Variants in CFAP74 observed in about 807,000 individuals in gnomAD.
The protein encoded by CFAP74 is cilia- and flagella-associated protein 74.
In CFAP74, 124 loss-of-function variants were observed where a neutral mutation model predicts 188.9. The ratio of observed to expected loss-of-function variants is 0.66; its 90% CI spans 0.57 to 0.76. CFAP74 has a LOEUF of 0.76. CFAP74 is among the 30% of genes least tolerant of loss of function. The pLI, the probability that CFAP74 is intolerant of heterozygous loss-of-function variation, is 0.00. For missense variants in CFAP74, 2,198 were observed against 2,165.2 expected, an observed-to-expected ratio of 1.02 and a Z score of -0.30; for synonymous variants, 956 against 916.7, an observed-to-expected ratio of 1.04 and a Z score of -0.77.
chr1:1,973,940 G>A lies in CFAP74; in HGVS notation c.674+85C>T. The A allele has an allele frequency of 3.0e-6, 4 of 1,317,542 alleles. No homozygotes were observed. The South Asian group carries it at 6.5e-5, about 21-fold the overall frequency. 81.6% of individuals were successfully genotyped at this position (1,317,542 alleles called of 1,614,324 possible). The stretch of plus-strand genomic sequence containing the variant: ...CTGGACAGATGTGGAGGGCGAGGCT[G>A]AATCTGGAGACCCCTGGGGGAGAGG... On this transcript the variant is annotated intron_variant, in intron 7 of 38. Coordinates refer to ENST00000682832, the MANE Select transcript of CFAP74 (RefSeq NM_001304360.2). This position sits in a 1 kb window ranked among gnomAD's most constrained non-coding sequence, Gnocchi z 6.2.
intron 6 of CFAP74, among the ~76,000 whole-genome samples, chr1:1,980,590 T>C (rs1656775307): frequency 6.6e-6 from 1 of 152,214 alleles, no homozygotes; most frequent in African/African-American, 2.4e-5. Flanking sequence ...AGGGCCTTCT[T>C]TGGGGGTTCC....
rs747357991 is a variant in CFAP74 at position 1,955,703 on chromosome 1, C to G, written c.2164G>C (p.Glu722Gln). ...CAGCCTGGCTCACCTGCGGGCTGCT[C>G]CTCCTCCTGCTCCTTGTCCAGCTTC... ...LEKLDKEQEE[E>Q]QPAEPERLTT... Residue 722 changes from glutamate to glutamine, a missense_variant, in exon 18 of 39, where the codon GAG becomes CAG. Transcript: ENST00000682832. 3.0e-5 allele frequency: 49 copies of G among 1,613,200 alleles called. 1 individual carries two copies. The South Asian group carries it at 5.3e-4, about 17-fold the overall frequency.
At chr1:1,932,625 G>A (rs1463965051) in intron 25 of CFAP74, among the ~76,000 whole-genome samples, 12 of 148,406 alleles carry the variant, frequency 8.1e-5, no homozygotes, top group Admixed American at 2.7e-4. Flanking sequence ...ACAGAATCTC[G>A]CTCTGTTGCC....
chr1:1,942,154 G>A lies in CFAP74; in HGVS notation c.2489C>T (p.Ser830Leu), dbSNP rs763705877. The A allele has an allele frequency of 2.0e-5, 30 of 1,512,038 alleles. No individual in the cohort carries two copies. The highest frequency in any genetic ancestry group is 2.2e-5 in the Non-Finnish European group (25 of 1,135,840). The allele number at this position is 1,512,038 out of a possible 1,614,324, so 93.7% of individuals were successfully genotyped here. Reference protein sequence around the residue: ...YQDSVLVHTRSKAALRLKFEV... With the variant: ...YQDSVLVHTRLKAALRLKFEV... ...GAACTTCAGGCGCAGGGCAGCTTTCGACCTGTGGGCGTGTCGCAGGGCACT... is the reference window on the plus strand; with the variant it reads ...GAACTTCAGGCGCAGGGCAGCTTTCAACCTGTGGGCGTGTCGCAGGGCACT... Residue 830 changes from serine (S) to leucine (L), a missense_variant and splice_region_variant, in exon 22 of 39, where the codon TCG becomes TTG. Physicochemically the swap from Ser to Leu is moderately radical, Grantham distance 145. Coordinates refer to ENST00000682832, the MANE Select transcript of CFAP74 (RefSeq NM_001304360.2). This position sits in a 1 kb window ranked among gnomAD's most constrained non-coding sequence, Gnocchi z 4.3.
chr1:1,928,734 G>A, intron 27 of CFAP74, 50 bp downstream of exon 27: 4 of 1,405,902 alleles, frequency 2.8e-6, no homozygotes, highest in Non-Finnish European at 3.9e-6. Context: ...GTTTGTTCCT[G>A]CAACAGGCCC....
intron 13 of CFAP74, among the ~76,000 whole-genome samples, chr1:1,964,270 G>A (rs1219071056): frequency 6.6e-6 from 1 of 152,236 alleles, no homozygotes; most frequent in African/African-American, 2.4e-5. Flanking sequence ...ACCAACCTCA[G>A]CCTCACATGT....
In CFAP74 at chr1:1,974,209, G is replaced by A; in HGVS notation, c.501-11C>T. 6.3e-7 allele frequency: 1 copy of A among 1,580,798 alleles called. No individual in the cohort carries two copies. The highest frequency in any genetic ancestry group is 8.6e-7 in the Non-Finnish European group (1 of 1,158,824). ...TGCCACATGGTGTTCCTTCAAACAAGAGGCAAAGCAGCTGGAGACGGGCCC... is the reference window on the plus strand; with the variant it reads ...TGCCACATGGTGTTCCTTCAAACAAAAGGCAAAGCAGCTGGAGACGGGCCC... On this transcript the variant is annotated splice_polypyrimidine_tract_variant and intron_variant, in intron 6 of 38. Transcript: ENST00000682832.
chr1:1,980,475 G>A (rs568257306), intron 6 of CFAP74, among the ~76,000 whole-genome samples: 7 of 146,038 alleles, frequency 4.8e-5, no homozygotes, highest in African/African-American at 1.8e-4. Flanking sequence ...CTAAGCCACC[G>A]GCACAGATCG....
At chr1:1,971,320 C>G (rs1310723175) in intron 9 of CFAP74, among the ~76,000 whole-genome samples, 6 of 151,170 alleles carry the variant, frequency 4.0e-5, no homozygotes, top group African/African-American at 7.3e-5. Flanking sequence ...CACCTGCAGA[C>G]ACTTGCACAC....
At chr1:1,945,135 C>T (rs749770982) in intron 20 of CFAP74, among the ~76,000 whole-genome samples, 1 of 151,690 alleles carries the variant, frequency 6.6e-6, no homozygotes, top group Admixed American at 6.6e-5. Context: ...GTGAGACCCC[C>T]GTCTCTACAA....
chr1:1,991,657 G>A (rs1657570771), intron 1 of CFAP74, among the ~76,000 whole-genome samples: 2 of 152,094 alleles, frequency 1.3e-5, no homozygotes, highest in South Asian at 4.2e-4. Context: ...TATACAAATG[G>A]CCAATATGCA....
intron 6 of CFAP74, among the ~76,000 whole-genome samples, chr1:1,974,895 C>A (rs527504548): frequency 6.6e-6 from 1 of 152,210 alleles, no homozygotes; most frequent in Non-Finnish European, 1.5e-5. Flanking sequence ...CTTCTAACAG[C>A]GGCCAGGTGA....
intron 25 of CFAP74, among the ~76,000 whole-genome samples, chr1:1,932,739 C>T (rs1652516594): frequency 6.6e-6 from 1 of 151,322 alleles, no homozygotes; most frequent in Non-Finnish European, 1.5e-5. Context: ...ACTACAGGCA[C>T]CCACCACCAC....
rs1656380019 is a variant in CFAP74, at chr1:1,975,496, C to G, written c.501-1298G>C. ...GCCTCCTGAGATCGGGTTCTACTTT[C>G]CCTCTCTCGTACGCCCACTTGGTTT... On this transcript the variant is annotated intron_variant, in intron 6 of 38. Coordinates refer to ENST00000682832, the MANE Select transcript of CFAP74 (RefSeq NM_001304360.2). The surrounding 1 kb of genome is among the most constrained non-coding windows in gnomAD (Gnocchi z 4.5). Among the ~76,000 whole-genome samples the G allele has an allele frequency of 6.6e-6, 1 of 152,112 alleles. No homozygotes were observed. Among genetic ancestry groups the G allele is most frequent in the Non-Finnish European group, 1.5e-5 (1 of 68,024 alleles).
At chr1:1,956,878 C>T (rs1268520070) in intron 16 of CFAP74, 94 bp from the exon 17 acceptor site, 4 of 1,353,350 alleles carry the variant, frequency 3.0e-6, no homozygotes, top group East Asian at 2.5e-5. Flanking sequence ...CAGGGCTGCC[C>T]TGAGCATTTG....
At position 1,925,924 on chromosome 1, in the gene CFAP74, C is replaced by A; in HGVS notation, c.3963G>T (p.Leu1321=). Residue 1321 remains leucine (L), a synonymous_variant, in exon 33 of 39, where the codon CTG becomes CTT. Coordinates refer to ENST00000682832, the MANE Select transcript of CFAP74 (RefSeq NM_001304360.2). ...PHESILAQET[L]DIITKRGTLT... is the part of the protein sequence containing the mutation. ...GCGTGCCTCTCTTGGTGATGATGTC[C>A]AGTGTTTCTTGAGCCTAAAGAGACC... is the stretch of plus-strand genomic sequence containing the variant. The A allele has an allele frequency of 6.2e-7, 1 of 1,609,610 alleles. No homozygotes were observed. The highest frequency in any genetic ancestry group is 8.5e-7 in the Non-Finnish European group (1 of 1,178,472).
Position 1,956,629 on chromosome 1 carries a change from G to A in CFAP74, c.2007C>T (p.Ala669=). The A allele has an allele frequency of 6.2e-7, 1 of 1,614,138 alleles. No homozygotes were observed. The highest frequency in any genetic ancestry group is 8.5e-7 in the Non-Finnish European group (1 of 1,180,022). The change falls in exon 17 of 39, where the codon GCC becomes GCT. Residue 669 remains alanine, a synonymous_variant. Transcript: ENST00000682832. ...EPCEMDDSQS[A]LKLSSLLTYE... is the part of the protein sequence containing the mutation. ...TGAGTGGCACACTCACTAATTTCAG[G>A]GCAGACTGGGAGTCGTCCATCTCAC...
Position 1,946,297 on chromosome 1 carries a change from G to A in CFAP74, c.2364+20C>T, listed in dbSNP as rs575502094. On this transcript the variant is annotated intron_variant, in intron 20 of 38. Coordinates refer to ENST00000682832, the MANE Select transcript of CFAP74 (RefSeq NM_001304360.2). ...GCAGGGGCCAGGGTGTGTGCGTGGCGTGGCAGCAGGAATACTCACCGTGGG... is the reference window on the plus strand; with the variant it reads ...GCAGGGGCCAGGGTGTGTGCGTGGCATGGCAGCAGGAATACTCACCGTGGG... 3.8e-4 allele frequency: 582 copies of A among 1,527,862 alleles called. No individual in the cohort carries two copies. The highest frequency in any genetic ancestry group is 4.9e-4 in the Non-Finnish European group (559 of 1,141,312). The allele number at this position is 1,527,862 out of a possible 1,614,324, so 94.6% of individuals were successfully genotyped here.
chr1:1,959,897 A>G, intron 15 of CFAP74, 67 bp downstream of exon 15: 33 of 1,386,524 alleles, frequency 2.4e-5, no homozygotes, highest in Non-Finnish European at 3.0e-5. Context: ...CTGCGCCACC[A>G]TGCCCGATCA....
Sources: gnomAD v4.1 joint callset for allele counts (sites outside exome capture counted in the v4.1 genomes callset) on GRCh38, gnomAD v4.1.1 for gene constraint, Gnocchi (gnomAD v3.1) non-coding constraint, MANE v1.5 for transcripts, NCBI Gene and HGNC (gene_info 2026-07-23, HGNC 2026-07-21) for gene names.